PDZRN3: variants seen among roughly 807,000 people sequenced by gnomAD.
PDZRN3 encodes E3 ubiquitin-protein ligase PDZRN3.
In PDZRN3, 38 loss-of-function variants were observed where a neutral mutation model predicts 85.7. That is an observed-to-expected ratio of 0.44 (90% CI 0.34 to 0.58). PDZRN3 has a LOEUF of 0.58. PDZRN3 is among the 20% of genes least tolerant of loss of function. The probability of loss-of-function intolerance (pLI) is 0.01; values close to 1 mark genes in which losing one functional copy is unlikely to be tolerated. For synonymous variants in PDZRN3, 759 were observed against 638.0 expected (o/e 1.19, Z -2.86); for missense variants, 1,629 against 1,506.4 (o/e 1.08, Z -1.35).
intron 3 of PDZRN3, among the ~76,000 whole-genome samples, chr3:73,424,852 T>C (rs1352741531): frequency 2.0e-5 from 3 of 152,140 alleles, no homozygotes; most frequent in Admixed American, 6.5e-5. Flanking sequence ...ATTCACTATA[T>C]TGGAAAACTA....
intron 3 of PDZRN3, among the ~76,000 whole-genome samples, chr3:73,425,452 T>C (rs1702294108): frequency 6.6e-6 from 1 of 152,078 alleles, no homozygotes; most frequent in Non-Finnish European, 1.5e-5. Flanking sequence ...CTCCTGGTGA[T>C]TCTGATGCCA....
intron 3 of PDZRN3, among the ~76,000 whole-genome samples, chr3:73,492,438 C>G (rs997163865): frequency 6.6e-6 from 1 of 152,118 alleles, no homozygotes; most frequent in African/African-American, 2.4e-5. Context: ...ATGACCCTTG[C>G]CTTGAATATG....
chr3:73,443,501 G>GGGT (rs1441034964), intron 3 of PDZRN3, among the ~76,000 whole-genome samples: 1 of 127,806 alleles, frequency 7.8e-6, no homozygotes, highest in Non-Finnish European at 1.5e-5. Context: ...TTTTTTTTGG[G>GGGT]GGGGGGACAG....
intron 3 of PDZRN3, among the ~76,000 whole-genome samples, chr3:73,562,053 T>C (rs567303268): frequency 6.6e-6 from 1 of 152,266 alleles, no homozygotes; most frequent in East Asian, 1.9e-4. Context: ...TAAATTCTGG[T>C]CAAAAACCAT....
rs1246215905 is a variant in PDZRN3 at position 73,624,253 on chromosome 3, A to G, written c.573T>C (p.Ala191=). 2 of 1,445,406 alleles carry G rather than the reference A, an allele frequency of 1.4e-6. No individual in the cohort carries two copies. Among genetic ancestry groups the G allele is most frequent in the Non-Finnish European group, 1.8e-6 (2 of 1,105,664 alleles). 89.5% of individuals were successfully genotyped at this position (1,445,406 alleles called of 1,614,324 possible). Residue 191 remains alanine (A), a synonymous_variant, in exon 1 of 10, where the codon GCT becomes GCC. Coordinates refer to ENST00000263666, the MANE Select transcript of PDZRN3 (RefSeq NM_015009.3). ...CCACCAGCGACTTCTCGCGCTTCCC[A>G]GCGCGCAGCGCCTCCTTCTTGAGCG... ...HKALKKEALR[A]GKREKSLVAQ...
intron 3 of PDZRN3, among the ~76,000 whole-genome samples, chr3:73,527,928 T>C (rs113068017): frequency 0.024 from 3,666 of 152,288 alleles, 151 homozygotes; most frequent in African/African-American, 0.083. Flanking sequence ...AGAACTCTTA[T>C]CCCACGATGA....
chr3:73,408,408 C>T (rs1336797968), intron 3 of PDZRN3: 24 of 582,494 alleles, frequency 4.1e-5, no homozygotes, highest in East Asian at 4.0e-4. Flanking sequence ...CACATTTTCC[C>T]AGGAGGAAAC....
chr3:73,468,598 A>T (rs1386434274), intron 3 of PDZRN3, among the ~76,000 whole-genome samples: 1 of 152,220 alleles, frequency 6.6e-6, no homozygotes, highest in Non-Finnish European at 1.5e-5. Context: ...ATGTTTTCCA[A>T]GATCTCTTAT....
At chr3:73,414,095 C>A (rs1013955197) in intron 3 of PDZRN3, among the ~76,000 whole-genome samples, 27 of 152,218 alleles carry the variant, frequency 1.8e-4, no homozygotes, top group Middle Eastern at 3.4e-3. Flanking sequence ...AAAAATAGTA[C>A]AGTTAAGACA....
intron 3 of PDZRN3, among the ~76,000 whole-genome samples, chr3:73,534,054 T>G (rs560926007): frequency 2.0e-5 from 3 of 152,216 alleles, no homozygotes; most frequent in Non-Finnish European, 4.4e-5. Flanking sequence ...AAAATGCAGA[T>G]CCATGAGGAC....
rs182717265 is a variant in PDZRN3 at position 73,565,610 on chromosome 3, C to T, written c.918+36744G>A. Among the ~76,000 whole-genome samples the T allele has an allele frequency of 5.3e-3, 810 of 152,186 alleles. 7 individuals are homozygous for T. The highest frequency in any genetic ancestry group is 0.019 in the African/African-American group (782 of 41,524). The stretch of plus-strand genomic sequence containing the variant: ...TACGCCCTGGGAAGTTGGGACAAAT[C>T]CTACCGCTTTCCAAGCCGACTCTTC... On this transcript the variant is annotated intron_variant, in intron 3 of 9. Transcript: ENST00000263666.
chr3:73,427,412 G>A (rs1014129403), intron 3 of PDZRN3, among the ~76,000 whole-genome samples: 1 of 152,114 alleles, frequency 6.6e-6, no homozygotes, highest in South Asian at 2.1e-4. Flanking sequence ...AACTGTTGAC[G>A]GTATTCTTTT....
intron 3 of PDZRN3, among the ~76,000 whole-genome samples, chr3:73,590,836 CA>C: frequency 6.6e-6 from 1 of 152,076 alleles, no homozygotes; most frequent in Non-Finnish European, 1.5e-5. Context: ...ATCAGAAATC[CA>C]ATAATAATGC....
At chr3:73,408,275 T>C (rs758812041) in intron 3 of PDZRN3, 3 of 700,976 alleles carry the variant, frequency 4.3e-6, no homozygotes, top group Middle Eastern at 2.3e-4. Context: ...AAAATAAATA[T>C]AGCATCATGC....
At chr3:73,533,870 C>T (rs905494845) in intron 3 of PDZRN3, among the ~76,000 whole-genome samples, 1 of 152,092 alleles carries the variant, frequency 6.6e-6, no homozygotes, top group Non-Finnish European at 1.5e-5. Context: ...GTTAGCCTGA[C>T]CACCCTATAC....
intron 3 of PDZRN3, among the ~76,000 whole-genome samples, chr3:73,416,144 T>A (rs1042802826): frequency 1.2e-4 from 18 of 151,962 alleles, no homozygotes; most frequent in Non-Finnish European, 2.6e-4. Flanking sequence ...AAGAAGAGAT[T>A]AGAAAAAATT....
chr3:73,478,069 CAAATGACATCACTTTGAGATG>C (rs1703492968), intron 3 of PDZRN3, among the ~76,000 whole-genome samples: 1 of 152,106 alleles, frequency 6.6e-6, no homozygotes, highest in Non-Finnish European at 1.5e-5. Context: ...GGGACACAGC[CAAATGACATCACTTTGAGATG>C]AAATCAAAGC....
chr3:73,519,318 T>C (rs927496518), intron 3 of PDZRN3, among the ~76,000 whole-genome samples: 3 of 152,220 alleles, frequency 2.0e-5, no homozygotes, highest in Non-Finnish European at 2.9e-5. Context: ...GGAGGTTCAG[T>C]ATGATGTGAT....
chr3:73,565,832 CAG>C (rs1701938246), intron 3 of PDZRN3, among the ~76,000 whole-genome samples: 1 of 128,410 alleles, frequency 7.8e-6, no homozygotes, highest in Non-Finnish European at 1.7e-5. Context: ...CACACACACA[CAG>C]AAAACTATGC....
Sources: gnomAD v4.1 joint callset for allele counts (sites outside exome capture counted in the v4.1 genomes callset) on GRCh38, gnomAD v4.1.1 for gene constraint, MANE v1.5 for transcripts, NCBI Gene and HGNC (gene_info 2026-07-23, HGNC 2026-07-21) for gene names.